The following CRPPA variants were observed in gnomAD, a reference collection of about 807,000 sequenced individuals.
The protein encoded by CRPPA is D-ribitol-5-phosphate cytidylyltransferase.
A neutral mutation model predicts 52.0 loss-of-function variants in CRPPA; 43 were observed. The observed-to-expected ratio is 0.83, with a 90% confidence interval of 0.65 to 1.07. The LOEUF is 1.07. Ranked by LOEUF, CRPPA falls within the 50% of genes least tolerant of loss-of-function variation. The pLI is 0.00. For synonymous variants in CRPPA, 250 were observed against 203.5 expected (o/e 1.23, Z -1.94); for missense variants, 629 against 551.7 (o/e 1.14, Z -1.40).
rs549439176 is a variant in CRPPA, at chr7:16,369,667, T to C, written c.684+6425A>G. ...AAACTAAAGCAGAACAAAATAAGTA[T>C]GATCTTTTTTTTGCCCCCAAGATGG... On this transcript the variant is annotated intron_variant, in intron 3 of 9. Coordinates refer to ENST00000407010, the MANE Select transcript of CRPPA (RefSeq NM_001101426.4). Among the ~76,000 whole-genome samples the C allele has an allele frequency of 1.6e-4, 25 of 152,218 alleles. 1 individual carries two copies. In the South Asian group the frequency reaches 4.4e-3, roughly 26 times the overall value.
intron 6 of CRPPA, among the ~76,000 whole-genome samples, chr7:16,260,496 A>T (rs1187957806): frequency 6.6e-6 from 1 of 152,030 alleles, no homozygotes; most frequent in Non-Finnish European, 1.5e-5. Flanking sequence ...ACCGAGTGCT[A>T]CATTTTTGTT....
chr7:16,221,426 A>G (rs1782498854), intron 8 of CRPPA, among the ~76,000 whole-genome samples: 1 of 152,234 alleles, frequency 6.6e-6, no homozygotes, highest in Admixed American at 6.5e-5. Context: ...AATGGCAACA[A>G]AAGCCAAAAT....
At chr7:16,404,886 CCACAAGTTT>C (rs1035073458) in intron 2 of CRPPA, among the ~76,000 whole-genome samples, 1 of 152,106 alleles carries the variant, frequency 6.6e-6, no homozygotes, top group African/African-American at 2.4e-5. Context: ...GGTTCCTGGA[CCACAAGTTT>C]CACTACCTTA....
At chr7:16,236,940 T>C (rs1391397620) in intron 8 of CRPPA, among the ~76,000 whole-genome samples, 2 of 121,842 alleles carry the variant, frequency 1.6e-5, no homozygotes, top group African/African-American at 6.5e-5. Flanking sequence ...TTAAGAGCTT[T>C]CGTGCGCGCG....
intron 3 of CRPPA, among the ~76,000 whole-genome samples, chr7:16,348,020 C>G (rs889892739): frequency 6.6e-6 from 1 of 152,074 alleles, no homozygotes; most frequent in African/African-American, 2.4e-5. Context: ...CCATTTCTCT[C>G]TGGAAGGAGA....
chr7:16,290,541 A>G (rs1784540173), intron 5 of CRPPA, among the ~76,000 whole-genome samples: 1 of 152,088 alleles, frequency 6.6e-6, no homozygotes, highest in Non-Finnish European at 1.5e-5. Context: ...CCAGGAATAT[A>G]CATGGGGAAA....
intron 3 of CRPPA, among the ~76,000 whole-genome samples, chr7:16,359,596 G>C (rs1238821307): frequency 6.6e-6 from 1 of 152,158 alleles, no homozygotes; most frequent in Non-Finnish European, 1.5e-5. Context: ...CCTAATTTAA[G>C]ATGCAGATTC....
chr7:16,225,670 C>T (rs1357820258), intron 8 of CRPPA, among the ~76,000 whole-genome samples: 2 of 151,780 alleles, frequency 1.3e-5, no homozygotes, highest in Non-Finnish European at 2.9e-5. Context: ...ACTGCTTAAG[C>T]ATCAATCTAT....
At chr7:16,113,077 A>T (rs1200085560) in intron 9 of CRPPA, among the ~76,000 whole-genome samples, 2 of 152,070 alleles carry the variant, frequency 1.3e-5, no homozygotes, top group Non-Finnish European at 2.9e-5. Context: ...AAAATAAGAA[A>T]GCAAGACAAG....
chr7:16,320,949 T>G (rs1194038944), intron 3 of CRPPA, among the ~76,000 whole-genome samples: 1 of 152,154 alleles, frequency 6.6e-6, no homozygotes, highest in African/African-American at 2.4e-5. Context: ...GTATGAATGA[T>G]CTGGCTAAGG....
chr7:16,088,884 G>A lies in CRPPA; in HGVS notation c.*2811C>T, dbSNP rs1047452129. 1 of 176,602 alleles carries A rather than the reference G, an allele frequency of 5.7e-6. No individual in the cohort carries two copies. Among genetic ancestry groups the A allele is most frequent in the Non-Finnish European group, 1.2e-5 (1 of 80,900 alleles). The allele number at this position is 176,602 out of a possible 1,614,324, so 10.9% of individuals were successfully genotyped here. Reference sequence around the variant, plus strand: ...GTGTCCCACCCTTCTTGTCCATTTCGCCAATGTTCATTCAGTGCCTCTGGC... The same window carrying A: ...GTGTCCCACCCTTCTTGTCCATTTCACCAATGTTCATTCAGTGCCTCTGGC... On this transcript the variant is annotated 3_prime_UTR_variant, in exon 10 of 10. Transcript: ENST00000407010.
chr7:16,115,973 T>TA (rs1583366650), intron 9 of CRPPA, among the ~76,000 whole-genome samples: 2 of 152,174 alleles, frequency 1.3e-5, no homozygotes, highest in African/African-American at 4.8e-5. Context: ...ATGATGGGAA[T>TA]AAAAAACCAC....
At chr7:16,337,856 TAA>T (rs1225086506) in intron 3 of CRPPA, among the ~76,000 whole-genome samples, 2 of 152,168 alleles carry the variant, frequency 1.3e-5, no homozygotes, top group Non-Finnish European at 2.9e-5. Context: ...CAATCAGTGC[TAA>T]GTTTCCCCCA....
chr7:16,240,815 G>T (rs1030271539), intron 8 of CRPPA, among the ~76,000 whole-genome samples: 1 of 152,084 alleles, frequency 6.6e-6, no homozygotes, highest in Non-Finnish European at 1.5e-5. Context: ...AGATATGTCT[G>T]GGATCTGGTA....
At chr7:16,379,288 T>C (rs2128312704) in intron 2 of CRPPA, among the ~76,000 whole-genome samples, 1 of 152,302 alleles carries the variant, frequency 6.6e-6, no homozygotes, top group East Asian at 1.9e-4. Context: ...TTGTCAAAGA[T>C]CAGATAGTTG....
At chr7:16,102,569 C>A (rs1163342097) in intron 9 of CRPPA, among the ~76,000 whole-genome samples, 1 of 152,002 alleles carries the variant, frequency 6.6e-6, no homozygotes, top group Non-Finnish European at 1.5e-5. Flanking sequence ...TGACAAAGGG[C>A]TAATATCCAG....
intron 3 of CRPPA, among the ~76,000 whole-genome samples, chr7:16,367,258 A>G (rs907815476): frequency 3.9e-5 from 6 of 152,058 alleles, no homozygotes; most frequent in Non-Finnish European, 7.4e-5. Flanking sequence ...CTAAAACTCA[A>G]TGTGACATGA....
rs200989147 is a variant in CRPPA at position 16,089,369 on chromosome 7, T to A, written c.*2326A>T. 2 of 243,114 alleles carry A rather than the reference T, an allele frequency of 8.2e-6. No homozygotes were observed. The highest frequency in any genetic ancestry group is 4.4e-4 in the East Asian group (2 of 4,596). The allele number at this position is 243,114 out of a possible 1,614,324, so 15.1% of individuals were successfully genotyped here. A position where few individuals can be genotyped will look rare whatever the true frequency, so the allele number is the denominator to read the frequency against. ...GTACGTATATACATACATACATGCA[T>A]GTACATATATACGTATATATGTATG... On this transcript the variant is annotated 3_prime_UTR_variant, in exon 10 of 10. Coordinates refer to ENST00000407010, the MANE Select transcript of CRPPA (RefSeq NM_001101426.4).
intron 5 of CRPPA, among the ~76,000 whole-genome samples, chr7:16,287,822 T>G (rs900146970): frequency 6.6e-6 from 1 of 150,476 alleles, no homozygotes; most frequent in African/African-American, 2.5e-5. Flanking sequence ...CTTGCAAGAC[T>G]GAGGCATGAG....
Sources: gnomAD v4.1 joint callset for allele counts (sites outside exome capture counted in the v4.1 genomes callset) on GRCh38, gnomAD v4.1.1 for gene constraint, MANE v1.5 for transcripts, NCBI Gene and HGNC (gene_info 2026-07-23, HGNC 2026-07-21) for gene names.